Variants in SLC35G2 observed in about 807,000 individuals in gnomAD.
The protein encoded by SLC35G2 is transmembrane protein 22.
SLC35G2 carries 20 observed loss-of-function variants against 27.2 expected under a neutral mutation model. The observed-to-expected ratio is 0.74, with a 90% CI of 0.52 to 1.07. The LOEUF (loss-of-function observed/expected upper bound fraction) is 1.07. Ranked by LOEUF, SLC35G2 falls within the 50% of genes least tolerant of loss-of-function variation. The pLI is 0.00. For synonymous variants in SLC35G2, 148 were observed against 165.3 expected (o/e 0.90, Z 0.80); for missense variants, 416 against 493.3 (o/e 0.84, Z 1.48).
chr3:136,844,387 G>A (rs1407034294), intron 1 of SLC35G2, among the ~76,000 whole-genome samples: 1 of 151,874 alleles, frequency 6.6e-6, no homozygotes, highest in African/African-American at 2.4e-5. Context: ...TACTCGGGAG[G>A]CTGAGGCAGG....
At chr3:136,842,750 C>G (rs1937153077) in intron 1 of SLC35G2, 1 of 152,216 alleles carries the variant, frequency 6.6e-6, no homozygotes, top group South Asian at 2.1e-4. Flanking sequence ...TAAATGTGCT[C>G]TGGGTGCCAG....
At chr3:136,835,434 T>G (rs1337258929) in intron 1 of SLC35G2, among the ~76,000 whole-genome samples, 2 of 152,068 alleles carry the variant, frequency 1.3e-5, no homozygotes, top group African/African-American at 4.8e-5. Flanking sequence ...CTTCCAAATG[T>G]ATCATATTAA....
chr3:136,854,852 T>C lies in SLC35G2; in HGVS notation c.392T>C (p.Val131Ala). 1 of 1,614,210 alleles carries C rather than the reference T, an allele frequency of 6.2e-7. No homozygotes were observed. The highest frequency in any genetic ancestry group is 1.1e-5 in the South Asian group (1 of 91,080). Residue 131 changes from valine (V) to alanine (A), a missense_variant, in exon 2 of 2, where the codon GTT (valine) becomes GCT (alanine). Physicochemically the swap from Val to Ala is moderately conservative, Grantham distance 64. Coordinates refer to ENST00000446465, the MANE Select transcript of SLC35G2 (RefSeq NM_025246.3). ...ITRLVSDRSK[V>A]PSLELIFIRS... ...AGGCTTGTTTCTGATCGGTCTAAAGTTCCATCTCTAGAACTGATTTTTATC... is the reference window on the plus strand; with the variant it reads ...AGGCTTGTTTCTGATCGGTCTAAAGCTCCATCTCTAGAACTGATTTTTATC...
Position 136,855,022 on chromosome 3 carries a change from A to G in SLC35G2, c.562A>G (p.Ile188Val), listed in dbSNP as rs141545410. The change falls in exon 2 of 2, where the codon ATA (isoleucine) becomes GTA (valine). Residue 188 changes from isoleucine (I) to valine (V), a missense_variant. Ile to Val is a conservative substitution (Grantham distance 29, BLOSUM62 3). Transcript: ENST00000446465. ...SITCAYTSFS[I>V]VPPSNGTTMW... ...CACTTGTGCTTATACATCATTTTCA[A>G]TAGTTCCTCCCAGCAATGGGACCAC... 909 of 1,614,068 alleles carry G rather than the reference A, an allele frequency of 5.6e-4. No homozygotes were observed. The highest frequency in any genetic ancestry group is 6.9e-4 in the Non-Finnish European group (816 of 1,180,056).
At chr3:136,821,782 A>G (rs1412247321) in intron 1 of SLC35G2, among the ~76,000 whole-genome samples, 6 of 152,170 alleles carry the variant, frequency 3.9e-5, no homozygotes, top group African/African-American at 1.4e-4. Context: ...GTTGATATGT[A>G]TTGTTGATAG....
intron 1 of SLC35G2, among the ~76,000 whole-genome samples, chr3:136,830,405 C>T (rs1290019895): frequency 6.6e-6 from 1 of 152,166 alleles, no homozygotes; most frequent in African/African-American, 2.4e-5. Flanking sequence ...GCCTCAGCCT[C>T]CCGAATAGCT....
chr3:136,834,408 A>T lies in SLC35G2; in HGVS notation c.-19+14780A>T, dbSNP rs548458816. 8.8e-3 allele frequency among the ~76,000 whole-genome samples: 1,345 copies of T among 152,226 alleles called. 8 individuals are homozygous for T. The highest frequency in any genetic ancestry group is 0.027 in the Middle Eastern group (8 of 294). On this transcript the variant is annotated intron_variant, in intron 1 of 1. Coordinates refer to ENST00000446465, the MANE Select transcript of SLC35G2 (RefSeq NM_025246.3). Reference sequence around the variant, plus strand: ...CAGTGCAGTGGCGTGATTTTGGCTTACTGCAACCTCTGCCTCCCGGGTTCA... The same window carrying T: ...CAGTGCAGTGGCGTGATTTTGGCTTTCTGCAACCTCTGCCTCCCGGGTTCA...
chr3:136,820,775 AATC>A (rs1365587410), intron 1 of SLC35G2, among the ~76,000 whole-genome samples: 1 of 152,194 alleles, frequency 6.6e-6, no homozygotes, highest in Non-Finnish European at 1.5e-5. Context: ...TTATTTTCAT[AATC>A]ATCTGTTCCA....
intron 1 of SLC35G2, among the ~76,000 whole-genome samples, chr3:136,829,943 C>G (rs936823471): frequency 2.0e-5 from 3 of 151,888 alleles, no homozygotes; most frequent in African/African-American, 7.3e-5. Flanking sequence ...CCTTCTTGTA[C>G]TTGAACGTTG....
intron 1 of SLC35G2, among the ~76,000 whole-genome samples, chr3:136,826,679 T>C (rs1370347054): frequency 1.3e-5 from 2 of 152,092 alleles, no homozygotes; most frequent in African/African-American, 4.8e-5. Flanking sequence ...GTCTGTCACC[T>C]AGGCTGGAGT....
intron 1 of SLC35G2, among the ~76,000 whole-genome samples, chr3:136,848,693 A>G (rs1296997273): frequency 1.3e-5 from 2 of 152,194 alleles, no homozygotes; most frequent in Admixed American, 6.5e-5. Flanking sequence ...AAAATCAAAT[A>G]CTGCATGTTC....
chr3:136,846,204 G>A (rs765525330), intron 1 of SLC35G2, among the ~76,000 whole-genome samples: 1 of 152,130 alleles, frequency 6.6e-6, no homozygotes. Context: ...TGGACATGCC[G>A]ACGTGCCAGC....
At chr3:136,851,506 A>AAC (rs1206639016) in intron 1 of SLC35G2, among the ~76,000 whole-genome samples, 2 of 150,594 alleles carry the variant, frequency 1.3e-5, no homozygotes, top group African/African-American at 2.4e-5. Flanking sequence ...CAAAAAAAAA[A>AAC]AAAAAAAAAA....
chr3:136,855,039 T>C lies in SLC35G2; in HGVS notation c.579T>C (p.Asn193=). ...YTSFSIVPPS[N]GTTMWRATTT... The stretch of plus-strand genomic sequence containing the variant: ...CATTTTCAATAGTTCCTCCCAGCAA[T>C]GGGACCACTATGTGGAGAGCCACAA... The change falls in exon 2 of 2, where the codon AAT becomes AAC. Residue 193 remains asparagine, a synonymous_variant. Transcript: ENST00000446465. 6.2e-7 allele frequency: 1 copy of C among 1,614,212 alleles called. No individual in the cohort carries two copies.
chr3:136,840,549 C>G (rs535279589), intron 1 of SLC35G2, among the ~76,000 whole-genome samples: 85 of 148,770 alleles, frequency 5.7e-4, no homozygotes, highest in African/African-American at 2.0e-3. Flanking sequence ...TCTCTCCCTT[C>G]CTTCTCTTTT....
chr3:136,847,166 G>T (rs532682146), intron 1 of SLC35G2, among the ~76,000 whole-genome samples: 4 of 152,030 alleles, frequency 2.6e-5, no homozygotes, highest in African/African-American at 9.6e-5. Context: ...GACAGAGTGA[G>T]ACTGTCTAAA....
chr3:136,820,721 T>A (rs781495418), intron 1 of SLC35G2, among the ~76,000 whole-genome samples: 1 of 152,226 alleles, frequency 6.6e-6, no homozygotes, highest in East Asian at 1.9e-4. Flanking sequence ...TAATCCATCT[T>A]TATTTTTTGA....
At chr3:136,850,335 A>G (rs1560019403) in intron 1 of SLC35G2, among the ~76,000 whole-genome samples, 1 of 152,120 alleles carries the variant, frequency 6.6e-6, no homozygotes, top group Non-Finnish European at 1.5e-5. Context: ...CTCATGGTTT[A>G]TGGGTTGTTT....
intron 1 of SLC35G2, among the ~76,000 whole-genome samples, chr3:136,853,287 C>T (rs1313779522): frequency 6.6e-6 from 1 of 151,796 alleles, no homozygotes; most frequent in Non-Finnish European, 1.5e-5. Flanking sequence ...GTAGAAATGG[C>T]ATTTCACCAT....
Sources: gnomAD v4.1 joint callset for allele counts (sites outside exome capture counted in the v4.1 genomes callset) on GRCh38, gnomAD v4.1.1 for gene constraint, MANE v1.5 for transcripts, NCBI Gene and HGNC (gene_info 2026-07-23, HGNC 2026-07-21) for gene names.